Variants in GAD2 observed in about 807,000 individuals in gnomAD.
GAD2 encodes the protein 65 kDa glutamic acid decarboxylase.
In GAD2, 22 loss-of-function variants were observed where a neutral mutation model predicts 80.1. The ratio of observed to expected loss-of-function variants is 0.27; its 90% CI spans 0.20 to 0.39. The LOEUF is 0.39. GAD2 is among the 10% of genes least tolerant of loss of function. The pLI is 1.00. For missense variants in GAD2, 624 were observed against 738.4 expected (o/e 0.85, Z 1.80); for synonymous variants, 274 against 256.9 (o/e 1.07, Z -0.64).
chr10:26,284,595 G>A (rs1366189359), intron 12 of GAD2, among the ~76,000 whole-genome samples: 1 of 141,964 alleles, frequency 7.0e-6, no homozygotes, highest in Admixed American at 7.0e-5. Context: ...TTTGAGACGG[G>A]GTCTCTTTCT....
chr10:26,287,105 T>C (rs1845342687), intron 13 of GAD2, among the ~76,000 whole-genome samples: 1 of 152,202 alleles, frequency 6.6e-6, no homozygotes, highest in African/African-American at 2.4e-5. Context: ...TTAGACTTAA[T>C]TGTAGCTTTC....
Position 26,217,630 on chromosome 10 carries a change from G to C in GAD2, c.97G>C (p.Ala33Pro). 1 of 1,613,574 alleles carries C rather than the reference G, an allele frequency of 6.2e-7. No individual in the cohort carries two copies. The highest frequency in any genetic ancestry group is 8.5e-7 in the Non-Finnish European group (1 of 1,179,818). The change falls in exon 2 of 16, where the codon GCT becomes CCT. Residue 33 changes from alanine to proline, a missense_variant. Physicochemically the swap from Ala to Pro is conservative, Grantham distance 27. Coordinates refer to ENST00000376261, the MANE Select transcript of GAD2 (RefSeq NM_001134366.2). This position sits in a 1 kb window ranked among gnomAD's most constrained non-coding sequence, Gnocchi z 4.9. ...TGCAGCGCGAGCCTGGTGCCAAGTG[G>C]CTCAGAAGTTCACGGGCGGCATCGG... ...PGTARAWCQV[A>P]QKFTGGIGNK... is the part of the protein sequence containing the mutation.
chr10:26,284,898 T>G (rs1246530715), intron 12 of GAD2, among the ~76,000 whole-genome samples: 1 of 152,180 alleles, frequency 6.6e-6, no homozygotes, highest in African/African-American at 2.4e-5. Context: ...CATGTGTTTT[T>G]GAGTTGTTTT....
chr10:26,223,758 G>C, intron 4 of GAD2, 129 bp from the exon 5 acceptor site: 1 of 595,186 alleles, frequency 1.7e-6, no homozygotes, highest in Admixed American at 2.6e-5. Context: ...TGTACATGTT[G>C]GATTTCTACT....
chr10:26,292,377 A>T, intron 13 of GAD2, 88 bp from the exon 14 acceptor site: 1 of 948,994 alleles, frequency 1.1e-6, no homozygotes, highest in East Asian at 2.4e-5. Context: ...GCTAAGACAG[A>T]GACGGCAGGA....
At chr10:26,250,805 G>A (rs1302647703) in intron 8 of GAD2, among the ~76,000 whole-genome samples, 8 of 151,080 alleles carry the variant, frequency 5.3e-5, no homozygotes, top group Non-Finnish European at 1.0e-4. Context: ...AAAGATCATC[G>A]CTAATACCAC....
intron 8 of GAD2, among the ~76,000 whole-genome samples, chr10:26,249,574 T>C (rs1017748924): frequency 6.6e-6 from 1 of 152,220 alleles, no homozygotes; most frequent in Non-Finnish European, 1.5e-5. Context: ...TAGCTGGCGT[T>C]CTCCAGTGAA....
chr10:26,227,032 G>A (rs565065788), intron 6 of GAD2, among the ~76,000 whole-genome samples: 14 of 152,092 alleles, frequency 9.2e-5, no homozygotes, highest in South Asian at 8.3e-4. Flanking sequence ...TCACTCTGTC[G>A]CCAAGGCTGG....
Position 26,245,989 on chromosome 10 carries a change from A to C in GAD2, c.909A>C (p.Lys303Asn), listed in dbSNP as rs1269966305. 9 of 1,614,052 alleles carry C rather than the reference A, an allele frequency of 5.6e-6. No homozygotes were observed. In the East Asian group the frequency reaches 2.0e-4, roughly 36 times the overall value. ...GIGTDSVILI[K>N]CDERGKMIPS... Reference sequence around the variant, plus strand: ...GAACAGACAGCGTGATTCTGATTAAATGTGATGAGAGGTGAGCACGCATCG... The same window carrying C: ...GAACAGACAGCGTGATTCTGATTAACTGTGATGAGAGGTGAGCACGCATCG... Residue 303 changes from lysine (K) to asparagine (N), a missense_variant, in exon 8 of 16, where the codon AAA becomes AAC. By Grantham distance (94) the Lys-to-Asn change is moderately conservative. Coordinates refer to ENST00000376261, the MANE Select transcript of GAD2 (RefSeq NM_001134366.2).
At chr10:26,236,471 C>T (rs142284598) in intron 7 of GAD2, among the ~76,000 whole-genome samples, 9,146 of 151,808 alleles carry the variant, frequency 0.06, 346 homozygotes, top group Non-Finnish European at 0.084. Context: ...CGGCTAAGTT[C>T]TGTATTTTTA....
intron 7 of GAD2, 36 bp downstream of exon 7, chr10:26,229,813 G>GTTC (rs1325178869): frequency 1.3e-5 from 19 of 1,489,236 alleles, no homozygotes; most frequent in Non-Finnish European, 1.7e-5. Flanking sequence ...TTAAGGTTAT[G>GTTC]TTCCATAAAG....
chr10:26,224,395 A>G (rs775388233), intron 5 of GAD2, 144 bp from the exon 6 acceptor site: 1 of 667,554 alleles, frequency 1.5e-6, no homozygotes, highest in Non-Finnish European at 2.6e-6. Context: ...CCTTTTTGAA[A>G]TAATTTTCTC....
At chr10:26,224,015 A>C (rs1301734477) in intron 5 of GAD2, 38 bp downstream of exon 5, 7 of 1,387,878 alleles carry the variant, frequency 5.0e-6, no homozygotes, top group Non-Finnish European at 7.2e-6. Flanking sequence ...ATTTAGGATA[A>C]TTATTAGTGA....
chr10:26,228,567 G>A (rs148483892), intron 6 of GAD2, among the ~76,000 whole-genome samples: 3 of 152,264 alleles, frequency 2.0e-5, no homozygotes, highest in African/African-American at 2.4e-5. Flanking sequence ...ACAGGTCTGC[G>A]GTCTATTAGG....
chr10:26,226,147 C>T (rs1446401794), intron 6 of GAD2, among the ~76,000 whole-genome samples: 1 of 152,000 alleles, frequency 6.6e-6, no homozygotes, highest in African/African-American at 2.4e-5. Context: ...TTAATGGTCC[C>T]CGGGAGTAGG....
intron 10 of GAD2, among the ~76,000 whole-genome samples, chr10:26,272,250 A>T (rs562914282): frequency 2.0e-5 from 3 of 152,276 alleles, no homozygotes; most frequent in African/African-American, 7.2e-5. Flanking sequence ...AAAAGACTGA[A>T]CTATCCGATA....
chr10:26,216,603 A>T (rs1270376467), upstream of GAD2: 4 of 435,226 alleles, frequency 9.2e-6, no homozygotes, highest in African/African-American at 4.3e-5. The surrounding 1 kb of genome is among the most constrained non-coding windows in gnomAD (Gnocchi z 4.7). Flanking sequence ...ACGTCCCTAA[A>T]CCCTGTCTCC....
intron 13 of GAD2, among the ~76,000 whole-genome samples, chr10:26,287,713 G>A (rs1338681990): frequency 6.6e-6 from 1 of 152,194 alleles, no homozygotes; most frequent in African/African-American, 2.4e-5. Flanking sequence ...TACAAGGCAT[G>A]AGAACCCTCT....
intron 7 of GAD2, among the ~76,000 whole-genome samples, chr10:26,231,126 T>C (rs1166132560): frequency 6.6e-6 from 1 of 152,070 alleles, no homozygotes; most frequent in Non-Finnish European, 1.5e-5. Context: ...TCCTTCATGA[T>C]CTCTGCCTCA....
Sources: gnomAD v4.1 joint callset for allele counts (sites outside exome capture counted in the v4.1 genomes callset) on GRCh38, gnomAD v4.1.1 for gene constraint, Gnocchi (gnomAD v3.1) non-coding constraint, MANE v1.5 for transcripts, NCBI Gene and HGNC (gene_info 2026-07-23, HGNC 2026-07-21) for gene names.